WASF2: variants seen among roughly 807,000 people sequenced by gnomAD.
WASF2 encodes WASP family member 2.
In WASF2, 14 loss-of-function variants were observed where a neutral mutation model predicts 45.0. The ratio of observed to expected loss-of-function variants is 0.31; its 90% CI spans 0.21 to 0.49. The LOEUF (loss-of-function observed/expected upper bound fraction) is 0.49, where lower values mean the gene tolerates loss of function less well. Among genes scored for constraint, WASF2 ranks in the 20% least tolerant of loss-of-function variants. The pLI, the probability that WASF2 is intolerant of heterozygous loss-of-function variation, is 0.99. For synonymous variants in WASF2, 200 were observed against 236.3 expected, an observed-to-expected ratio of 0.85 and a Z score of 1.41; for missense variants, 439 against 636.1, an observed-to-expected ratio of 0.69 and a Z score of 3.33.
At chr1:27,442,174 C>T (rs2017246710) in intron 1 of WASF2, among the ~76,000 whole-genome samples, 1 of 151,614 alleles carries the variant, frequency 6.6e-6, no homozygotes, top group Admixed American at 6.6e-5. Context: ...TAGAAAGACC[C>T]TATCTTTACA....
rs373306411 is a variant in WASF2 at position 27,461,978 on chromosome 1, C to CTT, written c.-44+28006_-44+28007dup. Among the ~76,000 whole-genome samples the CTT allele has an allele frequency of 2.1e-3, 273 of 132,840 alleles. 1 individual carries two copies. Among genetic ancestry groups the CTT allele is most frequent in the African/African-American group, 7.0e-3 (249 of 35,600 alleles). The allele number at this position is 132,840 out of a possible 152,430, so 87.1% of individuals were successfully genotyped here. On this transcript the variant is annotated intron_variant, in intron 1 of 8. Transcript: ENST00000618852. ...CACACGGCCACTCACTATTTTATTA[C>CTT]TTTTTTTTTTTTTTTTTGAGATGGA... is the stretch of plus-strand genomic sequence containing the variant.
chr1:27,425,058 T>C (rs2016959284), intron 2 of WASF2, among the ~76,000 whole-genome samples: 1 of 152,200 alleles, frequency 6.6e-6, no homozygotes. Flanking sequence ...GAATTACTAG[T>C]AGCTGATAAT....
rs770675350 is a variant in WASF2, at chr1:27,412,586, T to A, written c.810A>T (p.Pro270=). 1.9e-6 allele frequency: 3 copies of A among 1,614,112 alleles called. No homozygotes were observed. The highest frequency in any genetic ancestry group is 2.7e-5 in the African/African-American group (2 of 74,932). ...PSFSEDNLPP[P]PAEFSYPVDN... ...CCACCATTTACCTGAATTCTGCTGG[T>A]GGAGGAGGCAAGTTGTCCTCGGAGA... The change falls in exon 7 of 9, where the codon CCA becomes CCT. Residue 270 remains proline, a synonymous_variant. Coordinates refer to ENST00000618852, the MANE Select transcript of WASF2 (RefSeq NM_006990.5).
chr1:27,415,563 C>A (rs2016816361), intron 5 of WASF2, among the ~76,000 whole-genome samples: 1 of 152,098 alleles, frequency 6.6e-6, no homozygotes, highest in African/African-American at 2.4e-5. Context: ...CTAGCCCCGC[C>A]CAGCCCGTAG....
intron 6 of WASF2, 26 bp from the exon 7 acceptor site, chr1:27,412,753 CTG>C (rs2016781614): frequency 5.6e-6 from 9 of 1,613,586 alleles, no homozygotes; most frequent in Non-Finnish European, 5.9e-6. Context: ...ATGCCAAAAA[CTG>C]TCATTTAAAG....
chr1:27,414,827 A>G lies in WASF2; in HGVS notation c.668+6T>C, dbSNP rs2016806293. The G allele has an allele frequency of 6.2e-7, 1 of 1,614,128 alleles. No homozygotes were observed. Among genetic ancestry groups the G allele is most frequent in the African/African-American group, 1.3e-5 (1 of 75,038 alleles). On this transcript the variant is annotated splice_donor_region_variant and intron_variant, in intron 6 of 8. Coordinates refer to ENST00000618852, the MANE Select transcript of WASF2 (RefSeq NM_006990.5). This position sits in a 1 kb window ranked among gnomAD's most constrained non-coding sequence, Gnocchi z 4.1. Reference sequence around the variant, plus strand: ...ATGCTACCAACAGTACAAAGGCATTACCTACCCAGAAGTCCCCAGCTTTTC... The same window carrying G: ...ATGCTACCAACAGTACAAAGGCATTGCCTACCCAGAAGTCCCCAGCTTTTC...
At chr1:27,408,686 C>T (rs1260185377) in intron 8 of WASF2, among the ~76,000 whole-genome samples, 2 of 152,040 alleles carry the variant, frequency 1.3e-5, no homozygotes, top group Non-Finnish European at 2.9e-5. Flanking sequence ...GGCTCAGCTG[C>T]CATAGACTGT....
chr1:27,487,632 ATATAATATATATTATATAT>A (rs2017958495), intron 1 of WASF2, among the ~76,000 whole-genome samples: 1 of 96,058 alleles, frequency 1.0e-5, no homozygotes, highest in African/African-American at 4.6e-5. Context: ...TTTATACAAT[ATATAATATATATTATATAT>A]TATATAATAT....
intron 1 of WASF2, among the ~76,000 whole-genome samples, chr1:27,463,837 T>A (rs1234666070): frequency 6.6e-6 from 1 of 150,444 alleles, no homozygotes; most frequent in South Asian, 2.1e-4. Flanking sequence ...AGTTTCACTC[T>A]TGTTGCCCAG....
intron 2 of WASF2, among the ~76,000 whole-genome samples, chr1:27,427,628 G>A (rs2017004036): frequency 6.6e-6 from 1 of 152,198 alleles, no homozygotes; most frequent in Admixed American, 6.5e-5. Context: ...GATCCCTGAG[G>A]TAGGTGAAGG....
chr1:27,483,559 G>C (rs1467179926), intron 1 of WASF2, among the ~76,000 whole-genome samples: 4 of 152,006 alleles, frequency 2.6e-5, no homozygotes, highest in Admixed American at 2.6e-4. Flanking sequence ...AGAATCCCTT[G>C]AACCCAGGAG....
intron 1 of WASF2, chr1:27,459,584 A>T (rs918319627): frequency 6.6e-6 from 1 of 152,236 alleles, no homozygotes; most frequent in East Asian, 1.9e-4. Flanking sequence ...CATTATTTTT[A>T]AAAAATAAAA....
At chr1:27,487,452 T>TATATATTTATATAA (rs1185634581) in intron 1 of WASF2, among the ~76,000 whole-genome samples, 7 of 117,144 alleles carry the variant, frequency 6.0e-5, no homozygotes, top group African/African-American at 2.4e-4. Flanking sequence ...CAAATATAAA[T>TATATATTTATATAA]ATATATTTAT....
At chr1:27,422,630 A>AG (rs1279997216) in intron 2 of WASF2, among the ~76,000 whole-genome samples, 1 of 151,252 alleles carries the variant, frequency 6.6e-6, no homozygotes, top group African/African-American at 2.4e-5. Context: ...AAAAAAAAAA[A>AG]AAAAAAGAAA....
rs1055422429 is a variant in WASF2, at chr1:27,405,756, T to A, written c.*2433A>T. The A allele has an allele frequency of 6.6e-6, 1 of 152,500 alleles. No individual in the cohort carries two copies. The highest frequency in any genetic ancestry group is 2.4e-5 in the African/African-American group (1 of 41,390). The allele number at this position is 152,500 out of a possible 1,614,324, so 9.4% of individuals were successfully genotyped here. On this transcript the variant is annotated 3_prime_UTR_variant, in exon 9 of 9. Transcript: ENST00000618852. The stretch of plus-strand genomic sequence containing the variant: ...CCGAGCTTGGCTGCATAGATTTTAA[T>A]GAGAGCGTCAGGCAGAGCTGTGCTG...
chr1:27,416,891 T>C (rs374922569), intron 4 of WASF2, among the ~76,000 whole-genome samples: 6 of 152,240 alleles, frequency 3.9e-5, no homozygotes, highest in African/African-American at 1.2e-4. Context: ...CCTCTCACTA[T>C]CCAGAAAGGA....
chr1:27,485,541 G>A (rs2017911782), intron 1 of WASF2, among the ~76,000 whole-genome samples: 1 of 152,104 alleles, frequency 6.6e-6, no homozygotes, highest in African/African-American at 2.4e-5. Context: ...ATAAATTGTG[G>A]TACTTAAGGA....
At chr1:27,471,875 T>C (rs1405587418) in intron 1 of WASF2, among the ~76,000 whole-genome samples, 2 of 152,108 alleles carry the variant, frequency 1.3e-5, no homozygotes, top group Admixed American at 1.3e-4. Flanking sequence ...CTCCAAAATA[T>C]ATACTAAACA....
At chr1:27,444,674 G>A (rs2017288877) in intron 1 of WASF2, among the ~76,000 whole-genome samples, 1 of 152,188 alleles carries the variant, frequency 6.6e-6, no homozygotes, top group Admixed American at 6.5e-5. Context: ...CAGGAACATG[G>A]AGACAAATAC....
Sources: allele counts gnomAD v4.1 joint callset (sites outside exome capture counted in the v4.1 genomes callset), GRCh38; gene constraint gnomAD v4.1.1; non-coding constraint Gnocchi (gnomAD v3.1); transcripts MANE v1.5; gene names NCBI Gene and HGNC (gene_info 2026-07-23, HGNC 2026-07-21).